Variants in KIAA1217 observed in about 807,000 individuals in gnomAD.
KIAA1217 encodes the protein sickle tail protein homolog.
In KIAA1217, 88 loss-of-function variants were observed where a neutral mutation model predicts 163.9. That is an observed-to-expected ratio of 0.54 (90% CI 0.45 to 0.64). KIAA1217 has a LOEUF of 0.64. Among genes scored for constraint, KIAA1217 ranks in the 30% least tolerant of loss-of-function variants. KIAA1217 has a pLI of 0.00. For missense variants in KIAA1217, 2,372 were observed against 2,475.0 expected (o/e 0.96, Z 0.88); for synonymous variants, 903 against 923.1 (o/e 0.98, Z 0.39).
At chr10:23,717,756 A>G (rs1471161123) in intron 1 of KIAA1217, among the ~76,000 whole-genome samples, 1 of 152,194 alleles carries the variant, frequency 6.6e-6, no homozygotes, top group Non-Finnish European at 1.5e-5. Flanking sequence ...ACCCTTGGCA[A>G]CATGAGCCTC....
intron 1 of KIAA1217, among the ~76,000 whole-genome samples, chr10:23,791,263 A>T (rs1835938512): frequency 6.6e-6 from 1 of 152,204 alleles, no homozygotes; most frequent in East Asian, 1.9e-4. Flanking sequence ...TGTCAAACCT[A>T]TACAGAAGTT....
At chr10:24,288,069 A>T (rs184608861) in intron 2 of KIAA1217, among the ~76,000 whole-genome samples, 3 of 152,324 alleles carry the variant, frequency 2.0e-5, no homozygotes, top group Admixed American at 1.3e-4. Context: ...AATTATTTTC[A>T]TCGGGAAAGT....
intron 1 of KIAA1217, among the ~76,000 whole-genome samples, chr10:23,736,779 G>A (rs1236302180): frequency 6.6e-6 from 1 of 152,098 alleles, no homozygotes; most frequent in East Asian, 1.9e-4. Context: ...TTCTGCCTCA[G>A]CCTCCCAAAG....
chr10:24,232,281 G>A (rs936747925), intron 2 of KIAA1217, among the ~76,000 whole-genome samples: 1 of 152,170 alleles, frequency 6.6e-6, no homozygotes, highest in Non-Finnish European at 1.5e-5. Flanking sequence ...CAGAAAAACA[G>A]CAAAGGAATC....
At chr10:23,743,792 T>C (rs956002374) in intron 1 of KIAA1217, among the ~76,000 whole-genome samples, 2 of 152,184 alleles carry the variant, frequency 1.3e-5, no homozygotes, top group African/African-American at 4.8e-5. Flanking sequence ...CAGTAAAATT[T>C]GCACTGTCTC....
chr10:23,782,411 T>C (rs1423067769), intron 1 of KIAA1217, among the ~76,000 whole-genome samples: 1 of 152,206 alleles, frequency 6.6e-6, no homozygotes, highest in Non-Finnish European at 1.5e-5. Context: ...ATGTTGATTT[T>C]GCATGGTGCA....
intron 1 of KIAA1217, among the ~76,000 whole-genome samples, chr10:24,000,827 G>A (rs541539979): frequency 2.9e-4 from 44 of 152,370 alleles, no homozygotes; most frequent in African/African-American, 1.1e-3. Flanking sequence ...GTCGAGCACT[G>A]CTCGCCCTCC....
intron 5 of KIAA1217, among the ~76,000 whole-genome samples, chr10:24,464,409 C>T (rs913403609): frequency 6.6e-6 from 1 of 152,102 alleles, no homozygotes; most frequent in Non-Finnish European, 1.5e-5. Context: ...TTGAACCGAC[C>T]GACTCTCATT....
At chr10:24,116,483 A>G (rs1208099195) in intron 2 of KIAA1217, among the ~76,000 whole-genome samples, 1 of 152,148 alleles carries the variant, frequency 6.6e-6, no homozygotes, top group African/African-American at 2.4e-5. Context: ...CATGGCCTGC[A>G]AAGCCTAAAA....
At chr10:23,772,344 T>C (rs1459799978) in intron 1 of KIAA1217, among the ~76,000 whole-genome samples, 1 of 152,168 alleles carries the variant, frequency 6.6e-6, no homozygotes, top group Admixed American at 6.6e-5. Context: ...ACCTTCATGG[T>C]TATTCTACTT....
chr10:24,393,370 T>A (rs534463168), intron 3 of KIAA1217, among the ~76,000 whole-genome samples: 1 of 152,324 alleles, frequency 6.6e-6, no homozygotes, highest in African/African-American at 2.4e-5. Context: ...GATTTGAAAC[T>A]AAGCAGGCCC....
intron 2 of KIAA1217, among the ~76,000 whole-genome samples, chr10:24,306,318 G>A (rs2042001918): frequency 1.3e-5 from 2 of 152,156 alleles, no homozygotes; most frequent in Non-Finnish European, 2.9e-5. Flanking sequence ...ACATGGTTCT[G>A]TGCATGATCT....
chr10:23,756,712 G>T lies in KIAA1217; in HGVS notation c.-321+61478G>T, dbSNP rs1833939543. ...AAAAATAGCTATTTAAAAATTATTAGTATTTAATTTTTTCACCTAATTTTT... is the reference window on the plus strand; with the variant it reads ...AAAAATAGCTATTTAAAAATTATTATTATTTAATTTTTTCACCTAATTTTT... On this transcript the variant is annotated intron_variant, in intron 1 of 18. Transcript: ENST00000376462. 2.0e-5 allele frequency among the ~76,000 whole-genome samples: 3 copies of T among 152,124 alleles called. No homozygotes were observed. The South Asian group carries it at 6.2e-4, about 32-fold the overall frequency.
intron 2 of KIAA1217, among the ~76,000 whole-genome samples, chr10:24,148,909 G>C (rs2064469198): frequency 6.6e-6 from 1 of 152,088 alleles, no homozygotes; most frequent in South Asian, 2.1e-4. Flanking sequence ...CTGATCCTCA[G>C]ATCTTAATCC....
At chr10:24,081,855 A>G (rs184112908) in intron 2 of KIAA1217, among the ~76,000 whole-genome samples, 1 of 152,142 alleles carries the variant, frequency 6.6e-6, no homozygotes, top group African/African-American at 2.4e-5. Context: ...CAAGAAAACT[A>G]AGGCAGGTTT....
At chr10:23,966,502 G>C (rs1402000504) in intron 1 of KIAA1217, among the ~76,000 whole-genome samples, 3 of 152,172 alleles carry the variant, frequency 2.0e-5, no homozygotes. Flanking sequence ...CAGACTACCT[G>C]CTGTCTACCG....
chr10:23,895,737 C>A (rs1226275847), intron 1 of KIAA1217, among the ~76,000 whole-genome samples: 2 of 151,886 alleles, frequency 1.3e-5, no homozygotes, highest in Non-Finnish European at 2.9e-5. Flanking sequence ...GACTTGGAAC[C>A]AACCCAAATG....
chr10:24,307,879 G>T (rs146304124), intron 2 of KIAA1217, among the ~76,000 whole-genome samples: 1 of 152,182 alleles, frequency 6.6e-6, no homozygotes, highest in Non-Finnish European at 1.5e-5. Context: ...CAAAACTCCC[G>T]CATAGCTGCC....
At chr10:23,887,615 T>A (rs1335857197) in intron 1 of KIAA1217, among the ~76,000 whole-genome samples, 1 of 151,926 alleles carries the variant, frequency 6.6e-6, no homozygotes, top group Non-Finnish European at 1.5e-5. Flanking sequence ...ATACCATACA[T>A]TCTCGGTTTC....
Sources: gnomAD v4.1 joint callset for allele counts (sites outside exome capture counted in the v4.1 genomes callset) on GRCh38, gnomAD v4.1.1 for gene constraint, MANE v1.5 for transcripts, NCBI Gene and HGNC (gene_info 2026-07-23, HGNC 2026-07-21) for gene names.